Variants in RANBP2 observed in about 807,000 individuals in gnomAD.
RANBP2 encodes the protein RAN binding protein 2.
A neutral mutation model predicts 303.6 loss-of-function variants in RANBP2; 57 were observed. That is an observed-to-expected ratio of 0.19 (90% CI 0.15 to 0.23). RANBP2 has a LOEUF of 0.23. Ranked by LOEUF, RANBP2 falls within the 10% of genes least tolerant of loss-of-function variation. RANBP2 has a pLI of 1.00. For synonymous variants in RANBP2, 1,167 were observed against 1,301.5 expected, an observed-to-expected ratio of 0.90 and a Z score of 2.23; for missense variants, 3,138 against 3,780.8, an observed-to-expected ratio of 0.83 and a Z score of 4.46.
At chr2:108,781,531 G>A in intron 26 of RANBP2, 102 bp downstream of exon 26, 1 of 1,116,888 alleles carries the variant, frequency 9.0e-7, no homozygotes, top group Non-Finnish European at 1.3e-6. Context: ...ATTTAAGAAT[G>A]TTTACTGTTT....
the RANBP2 span, among the ~76,000 whole-genome samples, chr2:108,843,876 G>GTGTGTGTGTGTGTGTGTGTGTT: frequency 2.4e-3 from 33 of 13,878 alleles, no homozygotes; most frequent in East Asian, 6.2e-3. Flanking sequence ...GTGTGTGTGT[G>GTGTGTGTGTGTGTGTGTGTGTT]TGTTTCTTTC....
the RANBP2 span, chr2:109,490,530 C>A: frequency 2.5e-6 from 3 of 1,187,596 alleles, no homozygotes; most frequent in Admixed American, 1.0e-4. Context: ...TAGGAAGATG[C>A]ATTCCCCTCT....
chr2:109,499,170 G>A, the RANBP2 span, among the ~76,000 whole-genome samples: 1 of 152,206 alleles, frequency 6.6e-6, no homozygotes, highest in African/African-American at 2.4e-5. Flanking sequence ...AGACCTGCAC[G>A]GAGGCCACCA....
At chr2:108,995,693 T>C in the RANBP2 span, among the ~76,000 whole-genome samples, 4 of 152,232 alleles carry the variant, frequency 2.6e-5, no homozygotes, top group Non-Finnish European at 2.9e-5. Context: ...GCTTCAGAAC[T>C]GTCCAATGAG....
At chr2:108,947,897 C>T in the RANBP2 span, among the ~76,000 whole-genome samples, 1 of 152,192 alleles carries the variant, frequency 6.6e-6, no homozygotes, top group South Asian at 2.1e-4. Context: ...GTTTGAATTC[C>T]TCCCCAGAAA....
intron 4 of RANBP2, among the ~76,000 whole-genome samples, chr2:108,733,583 G>A (rs981368776): frequency 3.9e-5 from 6 of 152,146 alleles, no homozygotes; most frequent in African/African-American, 1.4e-4. Context: ...TTTCTCCCCA[G>A]TAATAAGCAG....
the RANBP2 span, among the ~76,000 whole-genome samples, chr2:109,155,361 T>C: frequency 0.14 from 21,432 of 152,130 alleles, 1,637 homozygotes; most frequent in Middle Eastern, 0.21. Flanking sequence ...AATGCAGTGG[T>C]GGGATCTTGG....
the RANBP2 span, among the ~76,000 whole-genome samples, chr2:109,376,773 C>A: frequency 6.6e-6 from 1 of 152,230 alleles, no homozygotes; most frequent in African/African-American, 2.4e-5. Context: ...TGCCCTCACC[C>A]CACACGTGCA....
At chr2:109,361,680 T>C in the RANBP2 span, among the ~76,000 whole-genome samples, 1 of 152,198 alleles carries the variant, frequency 6.6e-6, no homozygotes, top group African/African-American at 2.4e-5. Flanking sequence ...TTCACCATGT[T>C]GGTCAGGCTG....
the RANBP2 span, among the ~76,000 whole-genome samples, chr2:108,830,763 A>G: frequency 2.0e-5 from 3 of 152,018 alleles, no homozygotes; most frequent in African/African-American, 7.2e-5. Flanking sequence ...ATCTGAGATC[A>G]CGCCATTGCA....
chr2:109,778,378 A>G, the RANBP2 span, among the ~76,000 whole-genome samples: 1 of 148,080 alleles, frequency 6.8e-6, no homozygotes, highest in African/African-American at 2.5e-5. Context: ...AAATGATTCA[A>G]GCTATTAAGT....
At chr2:108,773,157 GC>G in intron 23 of RANBP2, 111 bp downstream of exon 23, 2 of 1,220,150 alleles carry the variant, frequency 1.6e-6, no homozygotes, top group Non-Finnish European at 2.3e-6. Context: ...TACTCTTGTT[GC>G]CCAGGCTGGA....
chr2:109,490,633 T>G, the RANBP2 span: 1 of 1,482,702 alleles, frequency 6.7e-7, no homozygotes, highest in Admixed American at 2.2e-5. Context: ...CTCCTGAAGC[T>G]TCTAGCCGGA....
At chr2:109,550,593 C>T in the RANBP2 span, among the ~76,000 whole-genome samples, 2 of 152,058 alleles carry the variant, frequency 1.3e-5, no homozygotes, top group African/African-American at 4.8e-5. Context: ...GGATTGCAGG[C>T]GTGAGCCACC....
chr2:109,249,491 TTC>T, the RANBP2 span, among the ~76,000 whole-genome samples: 751 of 24,620 alleles, frequency 0.031, 9 homozygotes, highest in African/African-American at 0.17. Context: ...CTTTCTTTCT[TTC>T]TTTCTTTCTT....
chr2:108,998,358 G>A, the RANBP2 span, among the ~76,000 whole-genome samples: 4 of 152,088 alleles, frequency 2.6e-5, no homozygotes, highest in African/African-American at 4.8e-5. Flanking sequence ...TCAGCCTGGC[G>A]ACTCCTGCAC....
At chr2:109,067,012 C>A in the RANBP2 span, among the ~76,000 whole-genome samples, 1 of 151,458 alleles carries the variant, frequency 6.6e-6, no homozygotes, top group Non-Finnish European at 1.5e-5. Context: ...TATCCCAGGG[C>A]ATAGGCTTGG....
At position 108,782,684 on chromosome 2, in the gene RANBP2, C is replaced by G. The variant is rs1271813537; in HGVS notation, c.9191C>G (p.Pro3064Arg). ...GCAGAATTATCAAAGGAGACCAATC[C>G]TGTGGTGTTTTTTGATGTTTGTGCG... ...LAAELSKETN[P>R]VVFFDVCADG... is the part of the protein sequence containing the mutation. The change falls in exon 28 of 29, where the codon CCT becomes CGT. Residue 3064 changes from proline (P) to arginine (R), a missense_variant. Pro to Arg is a moderately radical substitution (Grantham distance 103, BLOSUM62 -2). Coordinates refer to ENST00000283195, the MANE Select transcript of RANBP2 (RefSeq NM_006267.5). 1.9e-6 allele frequency: 3 copies of G among 1,614,192 alleles called. No individual in the cohort carries two copies. Among genetic ancestry groups the G allele is most frequent in the Non-Finnish European group, 2.5e-6 (3 of 1,180,030 alleles).
At chr2:109,095,978 C>T in the RANBP2 span, among the ~76,000 whole-genome samples, 7 of 152,130 alleles carry the variant, frequency 4.6e-5, no homozygotes, top group Admixed American at 1.3e-4. Flanking sequence ...TCATGCTGCC[C>T]TCATTGGGTC....
Sources: allele counts gnomAD v4.1 joint callset (sites outside exome capture counted in the v4.1 genomes callset), GRCh38; gene constraint gnomAD v4.1.1; transcripts MANE v1.5; gene names NCBI Gene and HGNC (gene_info 2026-07-23, HGNC 2026-07-21).